The following RPTOR variants were observed in gnomAD, a reference collection of about 807,000 sequenced individuals.
RPTOR encodes the protein regulatory associated protein of MTOR complex 1.
A neutral mutation model predicts 169.9 loss-of-function variants in RPTOR; 21 were observed. The ratio of observed to expected loss-of-function variants is 0.12; its 90% CI spans 0.09 to 0.18. The LOEUF (loss-of-function observed/expected upper bound fraction) is 0.18, where lower values mean the gene tolerates loss of function less well. Among genes scored for constraint, RPTOR ranks in the 10% least tolerant of loss-of-function variants. The pLI, the probability that RPTOR is intolerant of heterozygous loss-of-function variation, is 1.00. For missense variants in RPTOR, 1,133 were observed against 1,855.9 expected (o/e 0.61, Z 7.16); for synonymous variants, 732 against 753.2 (o/e 0.97, Z 0.46).
intron 7 of RPTOR, among the ~76,000 whole-genome samples, chr17:80,795,965 C>T (rs1215746043): frequency 6.6e-6 from 1 of 152,230 alleles, no homozygotes; most frequent in Admixed American, 6.5e-5. Context: ...AAGCGTCTCC[C>T]ACGCCTCTCC....
At chr17:80,550,949 G>A (rs557351572) in intron 1 of RPTOR, among the ~76,000 whole-genome samples, 9 of 152,244 alleles carry the variant, frequency 5.9e-5, no homozygotes, top group Admixed American at 2.0e-4. Flanking sequence ...GTGCAATGGC[G>A]TGATCTCGGC....
rs562057904 is a variant in RPTOR at position 80,798,297 on chromosome 17, C to T, written c.890+6788C>T. On this transcript the variant is annotated intron_variant, in intron 7 of 33. Transcript: ENST00000306801. ...GGAATGTCCTCTGGAGCCGCCTTGC[C>T]CATGCCACACAGAAGGACACCACGG... Among the ~76,000 whole-genome samples the T allele has an allele frequency of 3.9e-5, 6 of 152,326 alleles. No individual in the cohort carries two copies. The South Asian group carries it at 1.2e-3, about 32-fold the overall frequency.
In RPTOR at chr17:80,759,173, A is replaced by G. The variant is rs151257438; in HGVS notation, c.830+4988A>G. On this transcript the variant is annotated intron_variant, in intron 6 of 33. Coordinates refer to ENST00000306801, the MANE Select transcript of RPTOR (RefSeq NM_020761.3). ...AGTTTGAGACCAGCCCTGGGAACAC[A>G]GGGAAACCCCATCTGTAAAAAAAAG... Among the ~76,000 whole-genome samples the G allele has an allele frequency of 8.4e-3, 1,272 of 152,116 alleles. 18 individuals carry two copies. Among genetic ancestry groups the G allele is most frequent in the African/African-American group, 0.028 (1,171 of 41,488 alleles).
intron 6 of RPTOR, among the ~76,000 whole-genome samples, chr17:80,765,336 G>A (rs1333248729): frequency 6.6e-6 from 1 of 152,192 alleles, no homozygotes; most frequent in Non-Finnish European, 1.5e-5. Flanking sequence ...GCTTTGGGAG[G>A]TGAGTGCTTC....
intron 7 of RPTOR, among the ~76,000 whole-genome samples, chr17:80,809,058 G>A (rs2067247106): frequency 6.6e-6 from 1 of 152,244 alleles, no homozygotes; most frequent in African/African-American, 2.4e-5. Flanking sequence ...TATGGTAGGT[G>A]TGTGTTTAAC....
chr17:80,708,861 C>T lies in RPTOR; in HGVS notation c.507+862C>T, dbSNP rs1478299768. ...GCACTGATTTGGAATCCAGCAAATCCGAGTCCCAGTTTCGGTTGTGCTGTC... is the reference window on the plus strand; with the variant it reads ...GCACTGATTTGGAATCCAGCAAATCTGAGTCCCAGTTTCGGTTGTGCTGTC... On this transcript the variant is annotated intron_variant, in intron 4 of 33. Coordinates refer to ENST00000306801, the MANE Select transcript of RPTOR (RefSeq NM_020761.3). This position sits in a 1 kb window ranked among gnomAD's most constrained non-coding sequence, Gnocchi z 4.2. The T allele has an allele frequency of 1.8e-5, 16 of 883,324 alleles. No homozygotes were observed. Among genetic ancestry groups the T allele is most frequent in the South Asian group, 5.2e-5 (1 of 19,246 alleles). The allele number at this position is 883,324 out of a possible 1,614,324, so 54.7% of individuals were successfully genotyped here.
In RPTOR at chr17:80,936,719, A is replaced by G. The variant is rs1257558173; in HGVS notation, c.2920-3777A>G. Among the ~76,000 whole-genome samples, 1 of 152,226 alleles carries G rather than the reference A, an allele frequency of 6.6e-6. No homozygotes were observed. The highest frequency in any genetic ancestry group is 1.5e-5 in the Non-Finnish European group (1 of 68,038). ...ACCTACAGAGGGCGAAATTCACTGT[A>G]CGTAAGTTACATCTTCATCAACCTC... On this transcript the variant is annotated intron_variant, in intron 24 of 33. Coordinates refer to ENST00000306801, the MANE Select transcript of RPTOR (RefSeq NM_020761.3). The surrounding 1 kb of genome is among the most constrained non-coding windows in gnomAD (Gnocchi z 4.1).
intron 1 of RPTOR, among the ~76,000 whole-genome samples, chr17:80,547,545 TAGAA>T (rs2084291794): frequency 6.6e-6 from 1 of 152,170 alleles, no homozygotes; most frequent in Non-Finnish European, 1.5e-5. Flanking sequence ...GATTGCTGCT[TAGAA>T]AGGAGCTGGG....
At chr17:80,729,729 T>TC (rs2066373312) in intron 4 of RPTOR, among the ~76,000 whole-genome samples, 1 of 152,124 alleles carries the variant, frequency 6.6e-6, no homozygotes, top group East Asian at 1.9e-4. Flanking sequence ...CTCTTAGAGC[T>TC]CCCCTCCCTT....
intron 20 of RPTOR, among the ~76,000 whole-genome samples, chr17:80,896,223 C>G (rs2068396658): frequency 6.6e-6 from 1 of 152,040 alleles, no homozygotes; most frequent in Admixed American, 6.5e-5. Context: ...TTATGCCACC[C>G]CAGACCCTTC....
intron 2 of RPTOR, among the ~76,000 whole-genome samples, chr17:80,632,192 G>C (rs748059418): frequency 1.3e-5 from 2 of 152,154 alleles, no homozygotes; most frequent in African/African-American, 2.4e-5. Flanking sequence ...CTTCTTATTA[G>C]CCACCATGGA....
chr17:80,568,196 A>G (rs765726720), intron 1 of RPTOR, among the ~76,000 whole-genome samples: 1 of 152,178 alleles, frequency 6.6e-6, no homozygotes, highest in Non-Finnish European at 1.5e-5. Flanking sequence ...GGAATGAGCC[A>G]CTGCACCCAG....
chr17:80,736,036 G>A (rs2066430556), intron 5 of RPTOR, among the ~76,000 whole-genome samples: 1 of 152,138 alleles, frequency 6.6e-6, no homozygotes, highest in African/African-American at 2.4e-5. Context: ...GCCAGCTGTA[G>A]TGGCACGCAT....
At chr17:80,814,870 C>T (rs1862621785) in intron 7 of RPTOR, among the ~76,000 whole-genome samples, 1 of 152,114 alleles carries the variant, frequency 6.6e-6, no homozygotes, top group Non-Finnish European at 1.5e-5. Context: ...AAGCAGGGAA[C>T]CCCTGGGTTG....
intron 1 of RPTOR, among the ~76,000 whole-genome samples, chr17:80,564,829 T>C (rs575479093): frequency 6.6e-6 from 1 of 152,330 alleles, no homozygotes; most frequent in African/African-American, 2.4e-5. Flanking sequence ...CTCCCACTTA[T>C]AAGTGAGAAC....
At chr17:80,662,602 AACATCTC>A (rs2065733300) in intron 3 of RPTOR, among the ~76,000 whole-genome samples, 1 of 151,976 alleles carries the variant, frequency 6.6e-6, no homozygotes, top group Non-Finnish European at 1.5e-5. Flanking sequence ...AACTCTGAAA[AACATCTC>A]CAGTCTTAGG....
At chr17:80,905,429 CAAAAAA>C (rs535677825) in intron 20 of RPTOR, among the ~76,000 whole-genome samples, 1 of 117,712 alleles carries the variant, frequency 8.5e-6, no homozygotes. Context: ...ACTAAAAATA[CAAAAAA>C]AAAAAAAAAA....
In RPTOR at chr17:80,743,810, TACTAGCAGAGC is replaced by T. The variant is rs2066517093; in HGVS notation, c.655-10199_655-10189del. Among the ~76,000 whole-genome samples, 5 of 131,768 alleles carry T rather than the reference TACTAGCAGAGC, an allele frequency of 3.8e-5. No homozygotes were observed. The East Asian group carries it at 7.3e-4, about 19-fold the overall frequency. 86.4% of individuals were successfully genotyped at this position (131,768 alleles called of 152,430 possible). A position where few individuals can be genotyped will look rare whatever the true frequency, so the allele number is the denominator to read the frequency against. ...CCCTGGCTACTAGCACAGCCCTGGC[TACTAGCAGAGC>T]CCTGGCTACTAGCACAGCCCTGGTT... On this transcript the variant is annotated intron_variant, in intron 5 of 33. Transcript: ENST00000306801.
Position 80,947,015 on chromosome 17 carries a change from C to A in RPTOR, c.3141-212C>A, listed in dbSNP as rs1184439167. 6.6e-6 allele frequency among the ~76,000 whole-genome samples: 1 copy of A among 152,186 alleles called. No homozygotes were observed. The highest frequency in any genetic ancestry group is 2.4e-5 in the African/African-American group (1 of 41,442). The stretch of plus-strand genomic sequence containing the variant: ...TTGTTTGTTTGGAGACAAGGTCTCA[C>A]TTTGTTGTCCAGGCTGGTCTTGAAC... On this transcript the variant is annotated intron_variant, in intron 26 of 33. Coordinates refer to ENST00000306801, the MANE Select transcript of RPTOR (RefSeq NM_020761.3). The surrounding 1 kb of genome is among the most constrained non-coding windows in gnomAD (Gnocchi z 4.4).
Sources: gnomAD v4.1 joint callset for allele counts (sites outside exome capture counted in the v4.1 genomes callset) on GRCh38, gnomAD v4.1.1 for gene constraint, Gnocchi (gnomAD v3.1) non-coding constraint, MANE v1.5 for transcripts, NCBI Gene and HGNC (gene_info 2026-07-23, HGNC 2026-07-21) for gene names.